Variants in PER3 observed in about 807,000 individuals in gnomAD.
The protein encoded by PER3 is period circadian regulator 3.
A neutral mutation model predicts 127.2 loss-of-function variants in PER3; 107 were observed. The ratio of observed to expected loss-of-function variants is 0.84; its 90% CI spans 0.72 to 0.99. PER3 has a LOEUF of 0.99. PER3 is among the 50% of genes least tolerant of loss of function. The probability of loss-of-function intolerance (pLI) is 0.00; values close to 1 mark genes in which losing one functional copy is unlikely to be tolerated. For missense variants in PER3, 1,560 were observed against 1,525.8 expected, an observed-to-expected ratio of 1.02 and a Z score of -0.37; for synonymous variants, 618 against 585.8, an observed-to-expected ratio of 1.05 and a Z score of -0.79.
At chr1:7,794,139 A>C in intron 6 of PER3, 131 bp downstream of exon 6, 2 of 767,020 alleles carry the variant, frequency 2.6e-6, no homozygotes, top group South Asian at 2.9e-5. Flanking sequence ...GGTTATTGCC[A>C]CAAGGAGTTC....
intron 18 of PER3, among the ~76,000 whole-genome samples, chr1:7,828,342 T>C (rs2097312840): frequency 6.6e-6 from 1 of 152,218 alleles, no homozygotes; most frequent in Admixed American, 6.5e-5. Context: ...GTCATTTTTT[T>C]CAAAACCAAA....
intron 10 of PER3, among the ~76,000 whole-genome samples, chr1:7,807,097 A>G (rs902910624): frequency 2.0e-5 from 3 of 152,076 alleles, no homozygotes; most frequent in African/African-American, 7.2e-5. Flanking sequence ...ACACTGTTCT[A>G]GGTACTGAAG....
At chr1:7,818,358 TAC>T (rs1201289559) in intron 13 of PER3, among the ~76,000 whole-genome samples, 12 of 152,366 alleles carry the variant, frequency 7.9e-5, no homozygotes, top group African/African-American at 1.9e-4. Flanking sequence ...TGAAAGGTAA[TAC>T]AGTCATTTTT....
At chr1:7,786,984 G>A in intron 4 of PER3, 148 bp downstream of exon 4, 1 of 618,652 alleles carries the variant, frequency 1.6e-6, no homozygotes, top group South Asian at 2.0e-5. Context: ...GCATGGTGTA[G>A]CTTCTCCGCC....
chr1:7,842,636 C>T (rs1414876822), intron 21 of PER3, 36 bp from the exon 22 acceptor site: 11 of 1,611,130 alleles, frequency 6.8e-6, no homozygotes, highest in Non-Finnish European at 9.3e-6. Flanking sequence ...GTGACATTGA[C>T]ATCAAGTAAC....
In PER3 at chr1:7,826,402, C is replaced by G. The variant is rs1190588264; in HGVS notation, c.1958-78C>G. On this transcript the variant is annotated intron_variant, in intron 16 of 21. Coordinates refer to ENST00000377532, the MANE Select transcript of PER3 (RefSeq NM_001377275.1). This position sits in a 1 kb window ranked among gnomAD's most constrained non-coding sequence, Gnocchi z 4.2. ...TATAATAATGTTTGTAAAAATGTAT[C>G]AAAAGGCAGTTAACAAAGTAAAATA... 1 of 788,990 alleles carries G rather than the reference C, an allele frequency of 1.3e-6. No individual in the cohort carries two copies. Among genetic ancestry groups the G allele is most frequent in the Non-Finnish European group, 2.1e-6 (1 of 465,812 alleles). The allele number at this position is 788,990 out of a possible 1,614,324, so 48.9% of individuals were successfully genotyped here. A position where few individuals can be genotyped will look rare whatever the true frequency, so the allele number is the denominator to read the frequency against.
rs1294659431 is a variant in PER3 at position 7,798,752 on chromosome 1, C to A, written c.793+79C>A. On this transcript the variant is annotated intron_variant, in intron 7 of 21. Coordinates refer to ENST00000377532, the MANE Select transcript of PER3 (RefSeq NM_001377275.1). ...AAGTCTGTTTACGTCAGTCATAGAA[C>A]AACAAAAAGAGCTCTTGGGTCTCCA... The A allele has an allele frequency of 1.1e-5, 13 of 1,201,726 alleles. No individual in the cohort carries two copies. The African/African-American group carries it at 1.7e-4, about 15-fold the overall frequency. The allele number at this position is 1,201,726 out of a possible 1,614,324, so 74.4% of individuals were successfully genotyped here.
chr1:7,810,001 G>T lies in PER3; in HGVS notation c.1351G>T (p.Glu451Ter). 1 of 1,613,978 alleles carries T rather than the reference G, an allele frequency of 6.2e-7. No homozygotes were observed. The highest frequency in any genetic ancestry group is 8.5e-7 in the Non-Finnish European group (1 of 1,179,898). The change falls in exon 12 of 22, where the codon GAG becomes TAG. Residue 451 changes from glutamate to a stop codon, truncating the protein, a stop_gained. Transcript: ENST00000377532. LOFTEE classifies it high-confidence loss of function. ...CAGTGAGGCCAGTGGGCACCGTGTG[G>T]AGGAGACGAAGGCGGAGCAGGTGCA... ...SSSEASGHRV[E>*]ETKAEQMTLQ...
Position 7,820,278 on chromosome 1 carries a change from G to A in PER3, c.1783+39G>A, listed in dbSNP as rs746716268. ...CCCTCAGAGTTAAATTCAAAGAACT[G>A]TAAATACATCCTTCTTGTTTCTCTT... On this transcript the variant is annotated intron_variant, in intron 15 of 21. Coordinates refer to ENST00000377532, the MANE Select transcript of PER3 (RefSeq NM_001377275.1). 5 of 1,589,706 alleles carry A rather than the reference G, an allele frequency of 3.1e-6. No homozygotes were observed. The South Asian group carries it at 3.4e-5, about 11-fold the overall frequency.
chr1:7,786,151 A>G (rs1181290607), intron 3 of PER3, among the ~76,000 whole-genome samples: 3 of 152,160 alleles, frequency 2.0e-5, no homozygotes, highest in African/African-American at 7.2e-5. Flanking sequence ...GCTATTCGGG[A>G]GGCTGAGACA....
In PER3 at chr1:7,809,856, C is replaced by T. The variant is rs745525679; in HGVS notation, c.1243-37C>T. 9 of 1,600,820 alleles carry T rather than the reference C, an allele frequency of 5.6e-6. 1 individual carries two copies. Among genetic ancestry groups the T allele is most frequent in the Non-Finnish European group, 6.8e-6 (8 of 1,172,300 alleles). ...CTCTGCGGTGGCTGCATTTGAACAGCCAGCAATTCTGGACTTGTTCCTCTT... is the reference window on the plus strand; with the variant it reads ...CTCTGCGGTGGCTGCATTTGAACAGTCAGCAATTCTGGACTTGTTCCTCTT... On this transcript the variant is annotated intron_variant, in intron 11 of 21. Coordinates refer to ENST00000377532, the MANE Select transcript of PER3 (RefSeq NM_001377275.1).
rs535089221 is a variant in PER3 at position 7,844,185 on chromosome 1, A to T, written c.*1430A>T. 1.2e-4 allele frequency: 23 copies of T among 199,532 alleles called. 1 individual carries two copies. In the South Asian group the frequency reaches 1.7e-3, roughly 14 times the overall value. 12.4% of individuals were successfully genotyped at this position (199,532 alleles called of 1,614,324 possible). Reference sequence around the variant, plus strand: ...CATGATGACCATCCTCATAGCTCAGATCTCCTTTCAAAGTAGTGGCTTTCT... The same window carrying T: ...CATGATGACCATCCTCATAGCTCAGTTCTCCTTTCAAAGTAGTGGCTTTCT... On this transcript the variant is annotated 3_prime_UTR_variant, in exon 22 of 22. Transcript: ENST00000377532.
At chr1:7,796,139 A>G (rs952196274) in intron 6 of PER3, among the ~76,000 whole-genome samples, 1 of 152,076 alleles carries the variant, frequency 6.6e-6, no homozygotes, top group Non-Finnish European at 1.5e-5. Context: ...CATTTTAGAC[A>G]TTCCTTAGCC....
Position 7,837,796 on chromosome 1 carries a change from TAGTCCAGTGGCTC to T in PER3, c.3549+649_3549+661del, listed in dbSNP as rs1312338426. 3.9e-5 allele frequency among the ~76,000 whole-genome samples: 6 copies of T among 152,280 alleles called. No individual in the cohort carries two copies. The East Asian group carries it at 1.2e-3, about 29-fold the overall frequency. On this transcript the variant is annotated intron_variant, in intron 21 of 21. Coordinates refer to ENST00000377532, the MANE Select transcript of PER3 (RefSeq NM_001377275.1). The stretch of plus-strand genomic sequence containing the variant: ...GAGTCAAGTTAATAACAAGTAGGCC[TAGTCCAGTGGCTC>T]ACGTCTGTAATCCCAGCACTTTGGG...
At chr1:7,811,421 AG>A (rs139074685) in intron 13 of PER3, 23,826 of 152,172 alleles carry the variant, frequency 0.16, 2,106 homozygotes, top group Non-Finnish European at 0.19. Context: ...GAACTTTCTT[AG>A]TTTGTACTGC....
intron 13 of PER3, among the ~76,000 whole-genome samples, chr1:7,816,513 G>C (rs1292477756): frequency 6.6e-6 from 1 of 152,112 alleles, no homozygotes; most frequent in Non-Finnish European, 1.5e-5. Flanking sequence ...CAAAACTCAA[G>C]AAGACAACCC....
intron 18 of PER3, among the ~76,000 whole-genome samples, chr1:7,829,094 C>T (rs1217547359): frequency 6.6e-6 from 1 of 152,120 alleles, no homozygotes; most frequent in African/African-American, 2.4e-5. Flanking sequence ...GTTTAACACA[C>T]GAAGTTGAAG....
At chr1:7,813,535 A>G (rs1412776602) in intron 13 of PER3, among the ~76,000 whole-genome samples, 1 of 152,182 alleles carries the variant, frequency 6.6e-6, no homozygotes, top group Non-Finnish European at 1.5e-5. Context: ...ACCCTCTCGA[A>G]GGCACAATGC....
rs529267363 is a variant in PER3, at chr1:7,803,124, G to A, written c.950G>A (p.Arg317His). 1.4e-5 allele frequency: 23 copies of A among 1,611,214 alleles called. No homozygotes were observed. Among genetic ancestry groups the A allele is most frequent in the Admixed American group, 3.3e-5 (2 of 60,014 alleles). Residue 317 changes from arginine to histidine, a missense_variant, in exon 9 of 22, where the codon CGT becomes CAT. Arg to His is a conservative substitution (Grantham distance 29, BLOSUM62 0). This residue lies in a region of PER3 where 1,332 missense variants were observed against 1,223.6 expected (regional missense o/e 1.09). Transcript: ENST00000377532. ...CTAAGCTACCTGCACCCTGAAGATC[G>A]TTCTCTGATGGTTGCCATACACCAA... ...SILSYLHPEDRSLMVAIHQKV... is the reference protein window; with the variant it reads ...SILSYLHPEDHSLMVAIHQKV...
Sources: allele counts gnomAD v4.1 joint callset (sites outside exome capture counted in the v4.1 genomes callset), GRCh38; gene constraint gnomAD v4.1.1; regional missense constraint gnomAD v4.1.1; non-coding constraint Gnocchi (gnomAD v3.1); transcripts MANE v1.5; gene names NCBI Gene and HGNC (gene_info 2026-07-23, HGNC 2026-07-21).